The following NFKB1 variants were observed in gnomAD, a reference collection of about 807,000 sequenced individuals.
The protein encoded by NFKB1 is nuclear factor NF-kappa-B p105 subunit.
A neutral mutation model predicts 105.1 loss-of-function variants in NFKB1; 9 were observed. That is an observed-to-expected ratio of 0.09 (90% CI 0.05 to 0.15). The LOEUF (loss-of-function observed/expected upper bound fraction) is 0.15, where lower values mean the gene tolerates loss of function less well. Ranked by LOEUF, NFKB1 falls within the 10% of genes least tolerant of loss-of-function variation. NFKB1 has a pLI of 1.00. For synonymous variants in NFKB1, 440 were observed against 442.2 expected, an observed-to-expected ratio of 1.00 and a Z score of 0.06; for missense variants, 830 against 1,203.7, an observed-to-expected ratio of 0.69 and a Z score of 4.59.
chr4:102,616,726 C>G lies in NFKB1; in HGVS notation c.*132C>G. On this transcript the variant is annotated 3_prime_UTR_variant, in exon 24 of 24. Coordinates refer to ENST00000226574, the MANE Select transcript of NFKB1 (RefSeq NM_003998.4). ...CGCCTGAATCATTCTCGATTTAACT[C>G]GAGACCTTTTCAACTTGGCTTCCTT... 1 of 918,774 alleles carries G rather than the reference C, an allele frequency of 1.1e-6. No homozygotes were observed. The highest frequency in any genetic ancestry group is 1.6e-6 in the Non-Finnish European group (1 of 630,064). 56.9% of individuals were successfully genotyped at this position (918,774 alleles called of 1,614,324 possible). A position where few individuals can be genotyped will look rare whatever the true frequency, so the allele number is the denominator to read the frequency against.
At chr4:102,511,051 C>T (rs1488592513) in intron 1 of NFKB1, 9 of 738,936 alleles carry the variant, frequency 1.2e-5, no homozygotes, top group Middle Eastern at 3.1e-4. Context: ...TTTATAGAAG[C>T]TCTTCCATCT....
chr4:102,532,992 A>T (rs933792287), intron 3 of NFKB1, among the ~76,000 whole-genome samples: 3 of 152,172 alleles, frequency 2.0e-5, no homozygotes, highest in African/African-American at 7.2e-5. Context: ...CAAGTCAGAT[A>T]CCATTAGGGT....
intron 5 of NFKB1, among the ~76,000 whole-genome samples, chr4:102,563,231 C>G (rs1215273992): frequency 1.3e-5 from 2 of 152,156 alleles, no homozygotes; most frequent in Non-Finnish European, 2.9e-5. Flanking sequence ...GGTATTGAGT[C>G]ATAAAGCTCC....
intron 5 of NFKB1, among the ~76,000 whole-genome samples, chr4:102,538,974 C>T (rs1312604184): frequency 6.6e-6 from 1 of 152,026 alleles, no homozygotes; most frequent in Non-Finnish European, 1.5e-5. Context: ...CTCGTTGACT[C>T]ATGTCTGTAA....
chr4:102,558,294 T>C (rs777197922), intron 5 of NFKB1, among the ~76,000 whole-genome samples: 2 of 152,158 alleles, frequency 1.3e-5, no homozygotes, highest in Admixed American at 1.3e-4. Flanking sequence ...ATGCAGTATC[T>C]GTAATAATGG....
At chr4:102,591,986 G>C (rs1433040839) in intron 11 of NFKB1, among the ~76,000 whole-genome samples, 5 of 152,222 alleles carry the variant, frequency 3.3e-5, no homozygotes, top group Non-Finnish European at 7.3e-5. Context: ...ATTGATTCCA[G>C]CCCTCGTGGG....
intron 16 of NFKB1, 73 bp downstream of exon 16, chr4:102,601,082 C>T: frequency 1.1e-6 from 1 of 943,694 alleles, no homozygotes; most frequent in South Asian, 1.5e-5. Context: ...TGTTTGGGTG[C>T]ATGTTATTTT....
chr4:102,606,868 A>T (rs1232302191), intron 17 of NFKB1, among the ~76,000 whole-genome samples, 171 bp downstream of exon 17: 6 of 152,146 alleles, frequency 3.9e-5, no homozygotes, highest in Non-Finnish European at 8.8e-5. Flanking sequence ...TAATTTTTTT[A>T]AAGATGATTT....
intron 5 of NFKB1, among the ~76,000 whole-genome samples, chr4:102,559,909 G>T (rs922024288): frequency 8.1e-5 from 12 of 148,758 alleles, no homozygotes; most frequent in African/African-American, 2.2e-4. Context: ...CTGTACTCCA[G>T]CCTGAATGGC....
intron 6 of NFKB1, among the ~76,000 whole-genome samples, chr4:102,574,276 T>G (rs988550862): frequency 6.6e-6 from 1 of 152,246 alleles, no homozygotes; most frequent in African/African-American, 2.4e-5. Context: ...CTAGGGTTAA[T>G]TTGACATCAT....
At chr4:102,575,088 A>C (rs1283627348) in intron 6 of NFKB1, among the ~76,000 whole-genome samples, 1 of 152,204 alleles carries the variant, frequency 6.6e-6, no homozygotes, top group Non-Finnish European at 1.5e-5. Flanking sequence ...TATGCATATA[A>C]GTATGTCATG....
chr4:102,526,586 C>G (rs1158574574), intron 2 of NFKB1, among the ~76,000 whole-genome samples: 1 of 152,092 alleles, frequency 6.6e-6, no homozygotes, highest in African/African-American at 2.4e-5. Context: ...ATTTGAAGAT[C>G]TTTATATAAG....
intron 3 of NFKB1, 28 bp from the exon 4 acceptor site, chr4:102,533,817 G>C (rs1344760960): frequency 6.2e-7 from 1 of 1,600,888 alleles, no homozygotes; most frequent in African/African-American, 1.3e-5. Context: ...AGTTTCTTTT[G>C]GTTTCTGTTT....
chr4:102,565,461 G>A (rs1723787959), intron 5 of NFKB1, among the ~76,000 whole-genome samples: 4 of 152,082 alleles, frequency 2.6e-5, no homozygotes, highest in Admixed American at 2.6e-4. Flanking sequence ...GAAATATTGG[G>A]TTGGGAAAAA....
At chr4:102,599,971 C>T (rs1028143158) in intron 15 of NFKB1, among the ~76,000 whole-genome samples, 5 of 152,156 alleles carry the variant, frequency 3.3e-5, no homozygotes, top group African/African-American at 1.2e-4. Flanking sequence ...GCCTCATTAG[C>T]GTAAGCTCTT....
At chr4:102,571,283 T>G (rs1287800518) in intron 6 of NFKB1, among the ~76,000 whole-genome samples, 2 of 152,196 alleles carry the variant, frequency 1.3e-5, no homozygotes, top group African/African-American at 4.8e-5. Flanking sequence ...TAGCCATATG[T>G]AGAAAGCTGA....
intron 19 of NFKB1, 115 bp from the exon 20 acceptor site, chr4:102,610,460 C>A: frequency 2.0e-6 from 2 of 977,286 alleles, no homozygotes; most frequent in Non-Finnish European, 1.5e-6. Context: ...AAAAATTATC[C>A]AGGAGATTGC....
chr4:102,522,554 A>G (rs539100802), intron 1 of NFKB1, among the ~76,000 whole-genome samples: 2 of 152,234 alleles, frequency 1.3e-5, no homozygotes, highest in Admixed American at 6.5e-5. Flanking sequence ...ATCATGCATC[A>G]GTTCTAATAA....
At chr4:102,536,295 C>G (rs1741631255) in intron 4 of NFKB1, among the ~76,000 whole-genome samples, 2 of 152,158 alleles carry the variant, frequency 1.3e-5, no homozygotes, top group African/African-American at 4.8e-5. Flanking sequence ...AACTTCATCT[C>G]CAAAGGCTTC....
Sources: allele counts gnomAD v4.1 joint callset (sites outside exome capture counted in the v4.1 genomes callset), GRCh38; gene constraint gnomAD v4.1.1; transcripts MANE v1.5; gene names NCBI Gene and HGNC (gene_info 2026-07-23, HGNC 2026-07-21).